Variants in FARP1 observed in about 807,000 individuals in gnomAD.
The protein encoded by FARP1 is FERM, ARHGEF and pleckstrin domain-containing protein 1.
Under a neutral mutation model 128.8 loss-of-function variants are expected in FARP1, and 52 were observed. The observed-to-expected ratio is 0.40, with a 90% CI of 0.32 to 0.51. The LOEUF (loss-of-function observed/expected upper bound fraction) is 0.51, where lower values mean the gene tolerates loss of function less well. FARP1 is among the 20% of genes least tolerant of loss of function. FARP1 has a pLI of 0.45. For missense variants in FARP1, 1,333 were observed against 1,367.9 expected (o/e 0.97, Z 0.40); for synonymous variants, 580 against 551.8 (o/e 1.05, Z -0.72).
intron 5 of FARP1, 69 bp from the exon 6 acceptor site, chr13:98,377,752 T>C (rs1327041805): frequency 2.7e-6 from 3 of 1,129,622 alleles, no homozygotes; most frequent in Admixed American, 1.7e-5. Flanking sequence ...TGGCCTCTCA[T>C]GGTGAGGCCA....
Position 98,310,116 on chromosome 13 carries a change from A to C in FARP1, c.172-33646A>C, listed in dbSNP as rs74614360. ...TTCCCATAATAGGCTTAAGTGTAAGATAATCTCGATGGCCTTCAGGGAAAT... is the reference window on the plus strand; with the variant it reads ...TTCCCATAATAGGCTTAAGTGTAAGCTAATCTCGATGGCCTTCAGGGAAAT... On this transcript the variant is annotated intron_variant, in intron 2 of 26. Coordinates refer to ENST00000319562, the MANE Select transcript of FARP1 (RefSeq NM_005766.4). 4.3e-3 allele frequency among the ~76,000 whole-genome samples: 650 copies of C among 151,396 alleles called. 5 individuals carry two copies. The highest frequency in any genetic ancestry group is 0.015 in the African/African-American group (625 of 41,210).
intron 1 of FARP1, among the ~76,000 whole-genome samples, chr13:98,199,112 A>G (rs1048302436): frequency 5.3e-5 from 8 of 151,064 alleles, no homozygotes; most frequent in African/African-American, 1.9e-4. Context: ...CGGATCCGCT[A>G]TTGGCACACC....
chr13:98,243,536 A>G (rs1313141951), intron 2 of FARP1, among the ~76,000 whole-genome samples: 4 of 151,036 alleles, frequency 2.6e-5, no homozygotes, highest in Non-Finnish European at 5.9e-5. Flanking sequence ...TCTACTAAAA[A>G]TAAAAAAAAA....
chr13:98,286,907 C>T (rs1389008694), intron 2 of FARP1, among the ~76,000 whole-genome samples: 1 of 152,176 alleles, frequency 6.6e-6, no homozygotes, highest in Non-Finnish European at 1.5e-5. Context: ...CTTATCCAGT[C>T]AGATTTTGTT....
chr13:98,380,470 C>T (rs1156824904), intron 6 of FARP1, among the ~76,000 whole-genome samples: 1 of 150,948 alleles, frequency 6.6e-6, no homozygotes, highest in Non-Finnish European at 1.5e-5. Context: ...GTTCTCACCA[C>T]AAAAATAAAT....
At chr13:98,216,539 C>T (rs565694256) in intron 2 of FARP1, among the ~76,000 whole-genome samples, 1 of 152,210 alleles carries the variant, frequency 6.6e-6, no homozygotes, top group South Asian at 2.1e-4. Context: ...TGGTGTCTTT[C>T]CCTGGGGGTT....
chr13:98,446,698 C>T lies in FARP1; in HGVS notation c.2937C>T (p.Leu979=), dbSNP rs138975789. Residue 979 remains leucine, a synonymous_variant, in exon 26 of 27, where the codon CTC becomes CTT. Transcript: ENST00000319562. The part of the protein sequence containing the change: ...DNHPLASLPL[L]GYSLTIPSES... Reference sequence around the variant, plus strand: ...ATCCCCTTGCCAGCCTGCCTCTGCTCGGCTACTCGCTCACCATCCCCTCTG... The same window carrying T: ...ATCCCCTTGCCAGCCTGCCTCTGCTTGGCTACTCGCTCACCATCCCCTCTG... 68 of 1,613,998 alleles carry T rather than the reference C, an allele frequency of 4.2e-5. No homozygotes were observed. The highest frequency in any genetic ancestry group is 6.7e-5 in the East Asian group (3 of 44,872).
At chr13:98,343,694 G>GACTTAGGAAT in intron 2 of FARP1, 68 bp from the exon 3 acceptor site, 2 of 1,093,878 alleles carry the variant, frequency 1.8e-6, no homozygotes, top group Non-Finnish European at 2.8e-6. Flanking sequence ...GTTTCCTGCA[G>GACTTAGGAAT]CGAGGAGCTG....
chr13:98,271,007 T>G (rs1884365311), intron 2 of FARP1, among the ~76,000 whole-genome samples: 1 of 152,190 alleles, frequency 6.6e-6, no homozygotes, highest in Non-Finnish European at 1.5e-5. Context: ...CGAGGCGAAT[T>G]GCAGTTGTGT....
chr13:98,338,932 C>T (rs936480452), intron 2 of FARP1: 12 of 152,218 alleles, frequency 7.9e-5, no homozygotes, highest in East Asian at 5.8e-4. Context: ...CTCTCTTCTC[C>T]GAGAAGCTTC....
chr13:98,409,633 G>A (rs1891115914), intron 14 of FARP1, 108 bp downstream of exon 14: 1 of 1,028,216 alleles, frequency 9.7e-7, no homozygotes, highest in Non-Finnish European at 1.3e-6. Flanking sequence ...TACCATGTGA[G>A]CCATTTTCAA....
intron 1 of FARP1, among the ~76,000 whole-genome samples, chr13:98,164,676 T>C (rs1877116760): frequency 6.6e-6 from 1 of 152,212 alleles, no homozygotes. Flanking sequence ...GCATTCTTCA[T>C]TGTTGTTCTG....
chr13:98,379,128 TA>T (rs1165139561), intron 6 of FARP1, among the ~76,000 whole-genome samples: 2 of 97,514 alleles, frequency 2.1e-5, no homozygotes, highest in Non-Finnish European at 3.7e-5. Context: ...ATATAATATA[TA>T]TATAATATAT....
At position 98,395,472 on chromosome 13, in the gene FARP1, C is replaced by A. The variant is rs752669561; in HGVS notation, c.1410C>A (p.Ser470Arg). ...QQSKPQPPQP[S>R]TGSLTGSPHL... Reference sequence around the variant, plus strand: ...GTAAACCTCAGCCCCCGCAGCCAAGCACAGGTCCAGCATCCCGGGCTGCCA... The same window carrying A: ...GTAAACCTCAGCCCCCGCAGCCAAGAACAGGTCCAGCATCCCGGGCTGCCA... The change falls in exon 13 of 27, where the codon AGC becomes AGA. Residue 470 changes from serine to arginine, a missense_variant. Ser to Arg is a moderately radical substitution (Grantham distance 110). Around this residue, in one of 2 missense-constraint regions of FARP1, gnomAD observed 1,009 missense variants for 969.8 expected, o/e 1.04. Transcript: ENST00000319562. The A allele has an allele frequency of 1.4e-5, 22 of 1,582,106 alleles. No individual in the cohort carries two copies. Among genetic ancestry groups the A allele is most frequent in the Non-Finnish European group, 1.8e-5 (21 of 1,157,788 alleles).
intron 2 of FARP1, among the ~76,000 whole-genome samples, chr13:98,243,020 C>A (rs971355605): frequency 6.6e-6 from 1 of 152,188 alleles, no homozygotes; most frequent in South Asian, 2.1e-4. Flanking sequence ...ATTCTCCAGA[C>A]TTGCTGTATT....
intron 1 of FARP1, among the ~76,000 whole-genome samples, chr13:98,183,002 G>A (rs2139207805): frequency 6.6e-6 from 1 of 152,172 alleles, no homozygotes; most frequent in South Asian, 2.1e-4. Context: ...AATATCTGTT[G>A]ATTCAAGTCT....
At chr13:98,445,212 A>C (rs1892747409) in intron 24 of FARP1, 1 of 152,282 alleles carries the variant, frequency 6.6e-6, no homozygotes, top group Admixed American at 6.5e-5. Flanking sequence ...TTATTGTGGT[A>C]AAATAGCTAT....
intron 1 of FARP1, among the ~76,000 whole-genome samples, chr13:98,164,207 T>C (rs1566683861): frequency 6.6e-6 from 1 of 152,210 alleles, no homozygotes; most frequent in African/African-American, 2.4e-5. Context: ...AATTGGCATA[T>C]GGATAGTTTG....
At chr13:98,374,064 C>G (rs1305396150) in intron 5 of FARP1, among the ~76,000 whole-genome samples, 1 of 152,186 alleles carries the variant, frequency 6.6e-6, no homozygotes, top group Admixed American at 6.5e-5. Flanking sequence ...TTCATCTCAT[C>G]TAATACATTG....
Sources: allele counts gnomAD v4.1 joint callset (sites outside exome capture counted in the v4.1 genomes callset), GRCh38; gene constraint gnomAD v4.1.1; regional missense constraint gnomAD v4.1.1; transcripts MANE v1.5; gene names NCBI Gene and HGNC (gene_info 2026-07-23, HGNC 2026-07-21).